CPVL: variants seen among roughly 807,000 people sequenced by gnomAD.
CPVL encodes probable serine carboxypeptidase CPVL.
Under a neutral mutation model 63.7 loss-of-function variants are expected in CPVL, and 51 were observed. That is an observed-to-expected ratio of 0.80 (90% CI 0.64 to 1.01). The LOEUF is 1.01. CPVL is among the 50% of genes least tolerant of loss of function. The pLI, the probability that CPVL is intolerant of heterozygous loss-of-function variation, is 0.00. For synonymous variants in CPVL, 195 were observed against 206.0 expected (o/e 0.95, Z 0.46); for missense variants, 530 against 573.1 (o/e 0.92, Z 0.77).
At chr7:29,109,998 T>C (rs756214371) in intron 3 of CPVL, among the ~76,000 whole-genome samples, 3 of 152,200 alleles carry the variant, frequency 2.0e-5, no homozygotes, top group Non-Finnish European at 4.4e-5. Flanking sequence ...ATTCTAGACA[T>C]AGCTGTTCAC....
rs150012592 is a variant in CPVL at position 29,099,128 on chromosome 7, A to G, written c.289-2911T>C. Among the ~76,000 whole-genome samples the G allele has an allele frequency of 2.4e-4, 36 of 152,320 alleles. 1 individual carries two copies. The highest frequency in any genetic ancestry group is 8.4e-4 in the African/African-American group (35 of 41,558). The stretch of plus-strand genomic sequence containing the variant: ...AAAAAAGATCAATAATAGTAGCTAC[A>G]CTGTATGCTTGCTGGGAGGATTAAA... On this transcript the variant is annotated intron_variant, in intron 3 of 12. Transcript: ENST00000265394.
At chr7:29,005,089 G>A (rs1055786789) in intron 12 of CPVL, among the ~76,000 whole-genome samples, 12 of 151,806 alleles carry the variant, frequency 7.9e-5, no homozygotes, top group African/African-American at 2.4e-4. Flanking sequence ...CAGTAGAAAC[G>A]GGGTTTCACC....
At chr7:29,059,676 C>T (rs1603909) in intron 11 of CPVL, among the ~76,000 whole-genome samples, 103,618 of 152,024 alleles carry the variant, frequency 0.68, 35,678 homozygotes, top group Non-Finnish European at 0.71. Flanking sequence ...TCTGGGTATA[C>T]AAGAAAAGTC....
At chr7:29,043,109 T>TC (rs1304513988) in intron 11 of CPVL, among the ~76,000 whole-genome samples, 2 of 152,264 alleles carry the variant, frequency 1.3e-5, no homozygotes, top group Non-Finnish European at 2.9e-5. Context: ...GGAGTCTAAT[T>TC]CCCACCTGTT....
chr7:29,031,967 T>C (rs1788060943), intron 11 of CPVL, among the ~76,000 whole-genome samples: 1 of 152,188 alleles, frequency 6.6e-6, no homozygotes, highest in African/African-American at 2.4e-5. Context: ...ATTTAGATGG[T>C]GGAAATCTGA....
chr7:29,119,664 C>G (rs1247565444), intron 2 of CPVL, among the ~76,000 whole-genome samples: 1 of 152,116 alleles, frequency 6.6e-6, no homozygotes, highest in Non-Finnish European at 1.5e-5. Context: ...AAAAGATTTT[C>G]ACGTGCCTTA....
At chr7:29,053,463 A>T (rs367654291) in intron 11 of CPVL, among the ~76,000 whole-genome samples, 1 of 152,236 alleles carries the variant, frequency 6.6e-6, no homozygotes, top group South Asian at 2.1e-4. Context: ...AAACATACAA[A>T]GTGAAAGAAA....
intron 11 of CPVL, among the ~76,000 whole-genome samples, chr7:29,062,850 C>T (rs1484882636): frequency 1.3e-5 from 2 of 152,130 alleles, no homozygotes; most frequent in African/African-American, 4.8e-5. Flanking sequence ...CTAATTCATA[C>T]AAAAATCCTA....
intron 11 of CPVL, among the ~76,000 whole-genome samples, chr7:29,053,612 ATTTTTTC>A (rs1790417070): frequency 6.6e-6 from 1 of 152,110 alleles, no homozygotes; most frequent in African/African-American, 2.4e-5. Context: ...TGAATAGGGG[ATTTTTTC>A]TTTTTTCTTT....
rs986067490 is a variant in CPVL at position 29,112,838 on chromosome 7, A to C, written c.170-16T>G. 3.2e-6 allele frequency: 5 copies of C among 1,543,408 alleles called. No individual in the cohort carries two copies. Among genetic ancestry groups the C allele is most frequent in the Non-Finnish European group, 4.5e-6 (5 of 1,115,772 alleles). ...AATTCTCTTCCTAGTGGGGGAAAAAAAATTTACCCAAGGATTACAGAAAAC... is the reference window on the plus strand; with the variant it reads ...AATTCTCTTCCTAGTGGGGGAAAAACAATTTACCCAAGGATTACAGAAAAC... On this transcript the variant is annotated splice_polypyrimidine_tract_variant and intron_variant, in intron 2 of 12. Transcript: ENST00000265394.
At chr7:29,165,027 A>T (rs576385562) in intron 5 of CPVL, among the ~76,000 whole-genome samples, 320 of 152,204 alleles carry the variant, frequency 2.1e-3, no homozygotes, top group Non-Finnish European at 3.8e-3. Flanking sequence ...GATGTTTTTG[A>T]CTATTCTACA....
At chr7:29,102,407 A>C (rs1787241984) in intron 3 of CPVL, among the ~76,000 whole-genome samples, 1 of 151,706 alleles carries the variant, frequency 6.6e-6, no homozygotes, top group African/African-American at 2.4e-5. Flanking sequence ...ACACTAGATT[A>C]AGTACTTAAA....
intron 11 of CPVL, among the ~76,000 whole-genome samples, chr7:29,034,662 T>A (rs1261155704): frequency 6.6e-6 from 1 of 151,934 alleles, no homozygotes; most frequent in Non-Finnish European, 1.5e-5. Flanking sequence ...TTTAAAAAGT[T>A]TAATTAATTA....
At chr7:29,078,205 G>A (rs1052036260) in intron 7 of CPVL, among the ~76,000 whole-genome samples, 1 of 152,072 alleles carries the variant, frequency 6.6e-6, no homozygotes, top group Non-Finnish European at 1.5e-5. Flanking sequence ...TACAGGCATA[G>A]ACATATAGCA....
rs111304690 is a variant in CPVL, at chr7:29,117,945, G to A, written c.169+2948C>T. On this transcript the variant is annotated intron_variant, in intron 2 of 12. Transcript: ENST00000265394. ...CGACAGCTCTAGTATTTTCTCCCTC[G>A]ATTATGCCAACCGACAGGGATAGGT... 2.5e-3 allele frequency among the ~76,000 whole-genome samples: 384 copies of A among 152,216 alleles called. 3 individuals are homozygous for A. The highest frequency in any genetic ancestry group is 8.7e-3 in the African/African-American group (361 of 41,522).
chr7:29,088,747 C>T (rs556320364), intron 6 of CPVL, among the ~76,000 whole-genome samples: 85 of 152,058 alleles, frequency 5.6e-4, no homozygotes, highest in Non-Finnish European at 1.1e-3. Flanking sequence ...GAGGCCGAGG[C>T]GGGCAGATCA....
chr7:29,111,640 A>G (rs1018872137), intron 3 of CPVL, among the ~76,000 whole-genome samples: 1 of 152,210 alleles, frequency 6.6e-6, no homozygotes, highest in South Asian at 2.1e-4. Flanking sequence ...ACATGCCCCA[A>G]CCTGACCACA....
intron 12 of CPVL, among the ~76,000 whole-genome samples, chr7:29,020,672 A>T (rs970229026): frequency 1.5e-4 from 19 of 128,810 alleles, no homozygotes; most frequent in Non-Finnish European, 1.1e-4. Context: ...TGTTGTTTTT[A>T]AAAAAACAAT....
intron 11 of CPVL, among the ~76,000 whole-genome samples, chr7:29,054,463 T>C (rs1324542144): frequency 6.6e-6 from 1 of 152,246 alleles, no homozygotes; most frequent in Non-Finnish European, 1.5e-5. Context: ...TCCATTGCTG[T>C]CACTGACAAG....
Sources: allele counts gnomAD v4.1 joint callset (sites outside exome capture counted in the v4.1 genomes callset), GRCh38; gene constraint gnomAD v4.1.1; transcripts MANE v1.5; gene names NCBI Gene and HGNC (gene_info 2026-07-23, HGNC 2026-07-21).